The following MEIKIN variants were observed in gnomAD, a reference collection of about 807,000 sequenced individuals.
The protein encoded by MEIKIN is meiosis-specific kinetochore protein.
chr5:131,884,734 T>C (rs540153436), intron 8 of MEIKIN, among the ~76,000 whole-genome samples: 1 of 150,712 alleles, frequency 6.6e-6, no homozygotes, highest in South Asian at 2.1e-4. Context: ...CTCTTGGGGG[T>C]CCCTAATTCC....
At chr5:131,876,159 C>G (rs1184273981) in intron 9 of MEIKIN, among the ~76,000 whole-genome samples, 2 of 152,162 alleles carry the variant, frequency 1.3e-5, no homozygotes, top group African/African-American at 2.4e-5. Context: ...TCTAATTAAA[C>G]TAAAGAGATT....
chr5:131,945,406 G>A lies in MEIKIN; in HGVS notation c.100C>T (p.Pro34Ser). The change falls in exon 1 of 13, where the codon CCG becomes TCG. Residue 34 changes from proline to serine, a missense_variant. Physicochemically the swap from Pro to Ser is moderately conservative, Grantham distance 74. Transcript: ENST00000442687. Reference sequence around the variant, plus strand: ...GCGAGCCTTGAGCCTGTACCTGGCGGGGCCTCGGCCTTCGCTGGAGAGCCT... The same window carrying A: ...GCGAGCCTTGAGCCTGTACCTGGCGAGGCCTCGGCCTTCGCTGGAGAGCCT... The part of the protein sequence containing the change: ...DLGSPAKAEA[P>S]PGSKRKGKVH... 1 of 399,212 alleles carries A rather than the reference G, an allele frequency of 2.5e-6. No individual in the cohort carries two copies. The highest frequency in any genetic ancestry group is 4.4e-5 in the Admixed American group (1 of 22,744). 24.7% of individuals were successfully genotyped at this position (399,212 alleles called of 1,614,324 possible).
intron 11 of MEIKIN, among the ~76,000 whole-genome samples, chr5:131,833,710 G>T (rs1482018265): frequency 6.6e-6 from 1 of 151,776 alleles, no homozygotes; most frequent in Non-Finnish European, 1.5e-5. Context: ...GGAAAGACAA[G>T]CCCCCATGAT....
At chr5:131,913,775 G>C (rs958118906) in intron 7 of MEIKIN, among the ~76,000 whole-genome samples, 1 of 152,174 alleles carries the variant, frequency 6.6e-6, no homozygotes, top group African/African-American at 2.4e-5. Flanking sequence ...CAAACTCTAA[G>C]ACAACATGAA....
intron 9 of MEIKIN, among the ~76,000 whole-genome samples, chr5:131,868,554 G>C (rs1457673791): frequency 6.6e-6 from 1 of 151,922 alleles, no homozygotes; most frequent in Non-Finnish European, 1.5e-5. Flanking sequence ...GTTTTTGTTT[G>C]GTTGGTTTTG....
At chr5:131,812,429 T>C (rs1772976116) in intron 12 of MEIKIN, among the ~76,000 whole-genome samples, 1 of 152,188 alleles carries the variant, frequency 6.6e-6, no homozygotes, top group African/African-American at 2.4e-5. Context: ...ATTCCTACAA[T>C]GAAATTGGTA....
At chr5:131,880,969 C>A (rs1031715249) in intron 8 of MEIKIN, among the ~76,000 whole-genome samples, 3 of 152,142 alleles carry the variant, frequency 2.0e-5, no homozygotes, top group Non-Finnish European at 4.4e-5. Flanking sequence ...TCAAATTTAA[C>A]TGGGTATTCT....
chr5:131,919,234 T>C (rs563615168), intron 6 of MEIKIN, among the ~76,000 whole-genome samples: 84 of 152,270 alleles, frequency 5.5e-4, no homozygotes, highest in Non-Finnish European at 1.1e-3. Context: ...CACATTCTGT[T>C]GGTAAGGATA....
intron 11 of MEIKIN, among the ~76,000 whole-genome samples, chr5:131,826,324 C>T (rs1749607695): frequency 6.6e-6 from 1 of 151,934 alleles, no homozygotes; most frequent in Non-Finnish European, 1.5e-5. Flanking sequence ...GTAATATAAA[C>T]AAACATTGTC....
At chr5:131,842,250 C>G (rs1749928500) in intron 11 of MEIKIN, among the ~76,000 whole-genome samples, 1 of 152,190 alleles carries the variant, frequency 6.6e-6, no homozygotes, top group African/African-American at 2.4e-5. Flanking sequence ...CAGGTGTGAG[C>G]CACCTTGCCT....
intron 9 of MEIKIN, among the ~76,000 whole-genome samples, chr5:131,871,399 G>C (rs1350055150): frequency 1.3e-5 from 2 of 152,202 alleles, no homozygotes; most frequent in Non-Finnish European, 2.9e-5. Flanking sequence ...CTCGCTCATT[G>C]CTAGCATAGC....
intron 3 of MEIKIN, among the ~76,000 whole-genome samples, chr5:131,943,295 C>T (rs979611648): frequency 3.3e-5 from 5 of 152,070 alleles, no homozygotes; most frequent in East Asian, 1.9e-4. Flanking sequence ...TATATACACA[C>T]ACATATATAT....
chr5:131,937,460 A>G (rs1751800433), intron 4 of MEIKIN, among the ~76,000 whole-genome samples: 1 of 151,912 alleles, frequency 6.6e-6, no homozygotes, highest in Non-Finnish European at 1.5e-5. Context: ...ACCTGGTCCA[A>G]TCCTCTTAAC....
At chr5:131,898,104 C>T (rs997749055) in intron 8 of MEIKIN, among the ~76,000 whole-genome samples, 2 of 152,008 alleles carry the variant, frequency 1.3e-5, no homozygotes, top group Admixed American at 6.6e-5. Flanking sequence ...ATGTCCTTTT[C>T]GTTGATGTTG....
At chr5:131,853,638 T>C (rs1490159548) in intron 10 of MEIKIN, among the ~76,000 whole-genome samples, 1 of 152,122 alleles carries the variant, frequency 6.6e-6, no homozygotes, top group Non-Finnish European at 1.5e-5. Flanking sequence ...CTCAGATATA[T>C]GAAGAACTCC....
chr5:131,870,343 C>T (rs1750465555), intron 9 of MEIKIN, among the ~76,000 whole-genome samples: 1 of 152,134 alleles, frequency 6.6e-6, no homozygotes, highest in African/African-American at 2.4e-5. Flanking sequence ...ATGATTTCCT[C>T]TCTTGATTTC....
intron 5 of MEIKIN, among the ~76,000 whole-genome samples, chr5:131,922,412 A>G (rs993338119): frequency 6.6e-6 from 1 of 152,154 alleles, no homozygotes; most frequent in African/African-American, 2.4e-5. Flanking sequence ...ACTAAACAAT[A>G]CAGTATAACA....
chr5:131,907,213 T>A (rs1181293966), intron 8 of MEIKIN, among the ~76,000 whole-genome samples: 1 of 151,662 alleles, frequency 6.6e-6, no homozygotes, highest in Non-Finnish European at 1.5e-5. Context: ...AAATTTACAG[T>A]TACAAATGCT....
At chr5:131,937,500 C>T (rs958603491) in intron 4 of MEIKIN, among the ~76,000 whole-genome samples, 1 of 151,976 alleles carries the variant, frequency 6.6e-6, no homozygotes, top group Non-Finnish European at 1.5e-5. Context: ...AGGTCTCCTT[C>T]CCCTGCATTC....
Sources: gnomAD v4.1 joint callset for allele counts (sites outside exome capture counted in the v4.1 genomes callset) on GRCh38, gnomAD v4.1.1 for gene constraint, MANE v1.5 for transcripts, NCBI Gene and HGNC (gene_info 2026-07-23, HGNC 2026-07-21) for gene names.